Variants in OR4C11 observed in about 807,000 individuals in gnomAD.
OR4C11 encodes the protein olfactory receptor family 4 subfamily C member 11.
OR4C11 carries 15 observed loss-of-function variants against 14.7 expected under a neutral mutation model. The ratio of observed to expected loss-of-function variants is 1.02; its 90% CI spans 0.68 to 1.58. OR4C11 has a LOEUF of 1.58. Ranked by LOEUF, OR4C11 falls within the 40% of genes most tolerant of loss-of-function variation. OR4C11 has a pLI of 0.00. For synonymous variants in OR4C11, 146 were observed against 135.0 expected, an observed-to-expected ratio of 1.08 and a Z score of -0.57; for missense variants, 473 against 383.0, an observed-to-expected ratio of 1.24 and a Z score of -1.96.
At chr11:55,604,902 C>G (rs61896191) in intron 3 of OR4C11, among the ~76,000 whole-genome samples, 7,381 of 137,446 alleles carry the variant, frequency 0.054, 1,596 homozygotes, top group Non-Finnish European at 0.083. Context: ...TATTTACTTC[C>G]TAAATATACA....
In OR4C11 at chr11:55,603,595, G is replaced by T. The variant is rs201361433; in HGVS notation, c.779C>A (p.Pro260Gln). Residue 260 changes from proline to glutamine, a missense_variant, in exon 4 of 4, where the codon CCG (proline) becomes CAG (glutamine). Coordinates refer to ENST00000641580, the MANE Select transcript of OR4C11 (RefSeq NM_001004700.3). The stretch of plus-strand genomic sequence containing the variant: ...CATCTTGTCCATGGGGAAAGTGGTC[G>T]GGGGGCGTGTATATATGAATATACA... Reference protein sequence around the residue: ...GPCIFIYTRPPTTFPMDKMVA... With the variant: ...GPCIFIYTRPQTTFPMDKMVA... The T allele has an allele frequency of 6.1e-6, 9 of 1,483,550 alleles. 2 individuals are homozygous for T. The highest frequency in any genetic ancestry group is 7.3e-6 in the Non-Finnish European group (8 of 1,089,614). 91.9% of individuals were successfully genotyped at this position (1,483,550 alleles called of 1,614,324 possible).
At chr11:55,605,343 C>T (rs1368965800) in intron 2 of OR4C11, 56 bp from the exon 3 acceptor site, 1 of 137,820 alleles carries the variant, frequency 7.3e-6, no homozygotes, top group Non-Finnish European at 1.6e-5. Flanking sequence ...GACATTCTTT[C>T]AAATTTCAGG....
At chr11:55,605,918 C>T (rs981917407) in intron 2 of OR4C11, among the ~76,000 whole-genome samples, 4 of 138,428 alleles carry the variant, frequency 2.9e-5, no homozygotes, top group African/African-American at 1.0e-4. Context: ...ACCGTCAACC[C>T]TACAAACTTT....
At position 55,607,271 on chromosome 11, in the gene OR4C11, T is replaced by C. The variant is rs1445562120; in HGVS notation, c.-365+16A>G. On this transcript the variant is annotated intron_variant, in intron 1 of 3. Transcript: ENST00000641580. ...TGTTTAATTATCTCCTACCCACTTC[T>C]ACCAACAGCTCTTACCTGGTAGTGC... The C allele has an allele frequency of 3.6e-5, 5 of 138,772 alleles. 2 individuals carry two copies. In the Admixed American group the frequency reaches 3.9e-4, roughly 11 times the overall value. The allele number at this position is 138,772 out of a possible 1,614,324, so 8.6% of individuals were successfully genotyped here.
intron 2 of OR4C11, 148 bp downstream of exon 2, chr11:55,606,373 GA>G (rs1393608723): frequency 3.6e-5 from 5 of 138,484 alleles, no homozygotes; most frequent in African/African-American, 1.3e-4. Flanking sequence ...AGAAGAGTAT[GA>G]AAAAACTATA....
rs112311413 is a variant in OR4C11, at chr11:55,604,562, T to C, written c.-44-145A>G. 16 of 354,306 alleles carry C rather than the reference T, an allele frequency of 4.5e-5. 1 individual carries two copies. The highest frequency in any genetic ancestry group is 3.4e-4 in the African/African-American group (16 of 47,400). 21.9% of individuals were successfully genotyped at this position (354,306 alleles called of 1,614,324 possible). On this transcript the variant is annotated intron_variant, in intron 3 of 3. Transcript: ENST00000641580. Reference sequence around the variant, plus strand: ...AATGGAATTCATAGTAACTATTCAATATATTTACCAAAATATTATTATTAT... The same window carrying C: ...AATGGAATTCATAGTAACTATTCAACATATTTACCAAAATATTATTATTAT...
chr11:55,606,255 T>A (rs1468220974), intron 2 of OR4C11, among the ~76,000 whole-genome samples: 1 of 137,668 alleles, frequency 7.3e-6, no homozygotes, highest in Non-Finnish European at 1.6e-5. Flanking sequence ...ATGGTGTAAA[T>A]TGAAATGTAA....
Position 55,604,121 on chromosome 11 carries a change from A to G in OR4C11, c.253T>C (p.Ser85Pro), listed in dbSNP as rs143807541. 7.4e-6 allele frequency: 11 copies of G among 1,477,856 alleles called. 1 individual carries two copies. The African/African-American group carries it at 1.4e-4, about 19-fold the overall frequency. The allele number at this position is 1,477,856 out of a possible 1,614,324, so 91.5% of individuals were successfully genotyped here. A position where few individuals can be genotyped will look rare whatever the true frequency, so the allele number is the denominator to read the frequency against. Residue 85 changes from serine (S) to proline (P), a missense_variant, in exon 4 of 4, where the codon TCT becomes CCT. Coordinates refer to ENST00000641580, the MANE Select transcript of OR4C11 (RefSeq NM_001004700.3). ...TTGTAGGTTATAATTTTCTTTTCAG[A>G]GAGAGCATCCACAATTAATCTAGGG... ...TAPRLIVDAL[S>P]EKKIITYNEC... is the part of the protein sequence containing the mutation.
intron 2 of OR4C11, among the ~76,000 whole-genome samples, chr11:55,605,855 A>G (rs1307576955): frequency 1.4e-5 from 2 of 138,968 alleles, no homozygotes; most frequent in African/African-American, 5.0e-5. Context: ...AGGTTAATAA[A>G]GTAATCCTTT....
At position 55,603,600 on chromosome 11, in the gene OR4C11, G is replaced by A. The variant is rs1207304464; in HGVS notation, c.774C>T (p.Arg258=). Residue 258 remains arginine, a synonymous_variant, in exon 4 of 4, where the codon CGC becomes CGT. Transcript: ENST00000641580. Reference sequence around the variant, plus strand: ...TGTCCATGGGGAAAGTGGTCGGGGGGCGTGTATATATGAATATACATGGGC... The same window carrying A: ...TGTCCATGGGGAAAGTGGTCGGGGGACGTGTATATATGAATATACATGGGC... ...FFGPCIFIYT[R]PPTTFPMDKM... 3 of 1,483,450 alleles carry A rather than the reference G, an allele frequency of 2.0e-6. 1 individual carries two copies. The highest frequency in any genetic ancestry group is 1.4e-5 in the African/African-American group (1 of 72,504). 91.9% of individuals were successfully genotyped at this position (1,483,450 alleles called of 1,614,324 possible).
At chr11:55,607,232 G>A (rs1857972573) in intron 1 of OR4C11, 55 bp downstream of exon 1, 1 of 138,338 alleles carries the variant, frequency 7.2e-6, no homozygotes, top group Admixed American at 7.9e-5. Flanking sequence ...AGTTTGCCCA[G>A]AGTAGGCTGT....
rs1208297261 is a variant in OR4C11 at position 55,606,252 on chromosome 11, A to C, written c.-207+270T>G. ...CAAAATTGTCCCTGACATATGGTGT[A>C]AATTGAAATGTAAGAGATTAATATT... On this transcript the variant is annotated intron_variant, in intron 2 of 3. Transcript: ENST00000641580. 1.4e-4 allele frequency among the ~76,000 whole-genome samples: 19 copies of C among 138,266 alleles called. 3 individuals carry two copies. Among genetic ancestry groups the C allele is most frequent in the African/African-American group, 3.8e-4 (15 of 39,836 alleles). 90.7% of individuals were successfully genotyped at this position (138,266 alleles called of 152,430 possible). A position where few individuals can be genotyped will look rare whatever the true frequency, so the allele number is the denominator to read the frequency against.
chr11:55,604,199 A>C lies in OR4C11; in HGVS notation c.175T>G (p.Phe59Val). The C allele has an allele frequency of 1.3e-6, 2 of 1,481,858 alleles. 1 individual carries two copies. 91.8% of individuals were successfully genotyped at this position (1,481,858 alleles called of 1,614,324 possible). Residue 59 changes from phenylalanine (F) to valine (V), a missense_variant, in exon 4 of 4, where the codon TTC becomes GTC. Phe to Val is a conservative substitution (Grantham distance 50). Coordinates refer to ENST00000641580, the MANE Select transcript of OR4C11 (RefSeq NM_001004700.3). ...GCAAAGGACAAATAAAATAGAAAGA[A>C]GTACATGGGGCTTCCTAGTGTCCGG... ...SSRTLGSPMY[F>V]FLFYLSFADS...
Position 55,603,232 on chromosome 11 carries a change from T to C in OR4C11, c.*209A>G. On this transcript the variant is annotated 3_prime_UTR_variant, in exon 4 of 4. Coordinates refer to ENST00000641580, the MANE Select transcript of OR4C11 (RefSeq NM_001004700.3). Reference sequence around the variant, plus strand: ...AAAAGACTACTGGTAGGTAATCACCTGAATTAATCTATATTCTACCTAGTT... The same window carrying C: ...AAAAGACTACTGGTAGGTAATCACCCGAATTAATCTATATTCTACCTAGTT... The C allele has an allele frequency of 2.6e-6, 1 of 391,808 alleles. No homozygotes were observed. Among genetic ancestry groups the C allele is most frequent in the Non-Finnish European group, 4.5e-6 (1 of 223,184 alleles). 24.3% of individuals were successfully genotyped at this position (391,808 alleles called of 1,614,324 possible). A position where few individuals can be genotyped will look rare whatever the true frequency, so the allele number is the denominator to read the frequency against.
In OR4C11 at chr11:55,602,526, T is replaced by C. The variant is rs186556939; in HGVS notation, c.*915A>G. On this transcript the variant is annotated 3_prime_UTR_variant, in exon 4 of 4. Coordinates refer to ENST00000641580, the MANE Select transcript of OR4C11 (RefSeq NM_001004700.3). ...TTGTGATTCTATGCAGCCCCAATTA[T>C]TAGGACAGAATAAATAGAGATGTAA... 1 of 138,392 alleles carries C rather than the reference T, an allele frequency of 7.2e-6. No homozygotes were observed. Among genetic ancestry groups the C allele is most frequent in the African/African-American group, 2.5e-5 (1 of 40,006 alleles). The allele number at this position is 138,392 out of a possible 1,614,324, so 8.6% of individuals were successfully genotyped here.
chr11:55,604,168 G>T lies in OR4C11; in HGVS notation c.206C>A (p.Ser69Tyr), dbSNP rs779245141. 1.0e-5 allele frequency: 15 copies of T among 1,472,162 alleles called. 3 individuals carry two copies. The South Asian group carries it at 1.1e-4, about 11-fold the overall frequency. 91.2% of individuals were successfully genotyped at this position (1,472,162 alleles called of 1,614,324 possible). The part of the protein sequence containing the change: ...FFLFYLSFAD[S>Y]CFSTSTAPRL... ...AGGGGCTGTGGAAGTTGAAAAGCAAGAATCTGCAAAGGACAAATAAAATAG... is the reference window on the plus strand; with the variant it reads ...AGGGGCTGTGGAAGTTGAAAAGCAATAATCTGCAAAGGACAAATAAAATAG... The change falls in exon 4 of 4, where the codon TCT becomes TAT. Residue 69 changes from serine to tyrosine, a missense_variant. Physicochemically the swap from Ser to Tyr is moderately radical, Grantham distance 144. Coordinates refer to ENST00000641580, the MANE Select transcript of OR4C11 (RefSeq NM_001004700.3).
rs1857979238 is a variant in OR4C11 at position 55,607,635 on chromosome 11, C to T, written c.-713G>A. 1.4e-5 allele frequency: 2 copies of T among 138,370 alleles called. 1 individual carries two copies. Among genetic ancestry groups the T allele is most frequent in the East Asian group, 4.7e-4 (2 of 4,250 alleles). The allele number at this position is 138,370 out of a possible 1,614,324, so 8.6% of individuals were successfully genotyped here. ...AATATATAACTATTCTGATACGAGG[C>T]TCTCTTTGGTCTCACAAAGAAGTTT... On this transcript the variant is annotated 5_prime_UTR_variant, in exon 1 of 4. Transcript: ENST00000641580.
At position 55,603,276 on chromosome 11, in the gene OR4C11, T is replaced by G; in HGVS notation, c.*165A>C. The stretch of plus-strand genomic sequence containing the variant: ...CCTAGTTCTGGCACAAAAGACAATG[T>G]CTTGGTAGTCACAACTCCTGTTAAC... On this transcript the variant is annotated 3_prime_UTR_variant, in exon 4 of 4. Coordinates refer to ENST00000641580, the MANE Select transcript of OR4C11 (RefSeq NM_001004700.3). 2.1e-6 allele frequency: 1 copy of G among 476,814 alleles called. No individual in the cohort carries two copies. Among genetic ancestry groups the G allele is most frequent in the Non-Finnish European group, 3.7e-6 (1 of 273,248 alleles). 29.5% of individuals were successfully genotyped at this position (476,814 alleles called of 1,614,324 possible).
chr11:55,602,607 T>G lies in OR4C11; in HGVS notation c.*834A>C, dbSNP rs565575564. 7.2e-6 allele frequency: 1 copy of G among 138,092 alleles called. No homozygotes were observed. The highest frequency in any genetic ancestry group is 1.6e-5 in the Non-Finnish European group (1 of 62,038). 8.6% of individuals were successfully genotyped at this position (138,092 alleles called of 1,614,324 possible). A position where few individuals can be genotyped will look rare whatever the true frequency, so the allele number is the denominator to read the frequency against. On this transcript the variant is annotated 3_prime_UTR_variant, in exon 4 of 4. Transcript: ENST00000641580. ...AGGGAGAACCCACTAGAGACAAGTG[T>G]CCTGAGTGTTTTCTGAATTCCTGTG...
Sources: allele counts gnomAD v4.1 joint callset (sites outside exome capture counted in the v4.1 genomes callset), GRCh38; gene constraint gnomAD v4.1.1; transcripts MANE v1.5; gene names NCBI Gene and HGNC (gene_info 2026-07-23, HGNC 2026-07-21).